ATRNL1: variants seen among roughly 807,000 people sequenced by gnomAD.
ATRNL1 encodes the protein attractin-like protein 1.
Under a neutral mutation model 182.7 loss-of-function variants are expected in ATRNL1, and 95 were observed. The ratio of observed to expected loss-of-function variants is 0.52; its 90% CI spans 0.44 to 0.62. The LOEUF is 0.62. Among genes scored for constraint, ATRNL1 ranks in the 20% least tolerant of loss-of-function variants. The probability of loss-of-function intolerance (pLI) is 0.00; values close to 1 mark genes in which losing one functional copy is unlikely to be tolerated. For synonymous variants in ATRNL1, 576 were observed against 568.3 expected (o/e 1.01, Z -0.19); for missense variants, 1,471 against 1,679.5 (o/e 0.88, Z 2.17).
At chr10:115,149,149 CA>C (rs1846103150) in intron 5 of ATRNL1, among the ~76,000 whole-genome samples, 1 of 152,102 alleles carries the variant, frequency 6.6e-6, no homozygotes, top group Non-Finnish European at 1.5e-5. Flanking sequence ...CTGGCCATCC[CA>C]CCCTAATCTT....
At chr10:115,273,414 C>T (rs1251141143) in intron 13 of ATRNL1, among the ~76,000 whole-genome samples, 1 of 152,016 alleles carries the variant, frequency 6.6e-6, no homozygotes, top group Non-Finnish European at 1.5e-5. Flanking sequence ...CTGTCCGCAT[C>T]CCTTTTCCAC....
intron 25 of ATRNL1, among the ~76,000 whole-genome samples, chr10:115,540,281 G>A (rs993876792): frequency 3.9e-5 from 6 of 152,054 alleles, no homozygotes; most frequent in East Asian, 1.9e-4. Flanking sequence ...CTTTGGGCCC[G>A]GACTGAACAG....
intron 9 of ATRNL1, among the ~76,000 whole-genome samples, chr10:115,217,863 AT>A (rs1201720796): frequency 6.6e-6 from 1 of 151,938 alleles, no homozygotes; most frequent in African/African-American, 2.4e-5. Context: ...GCACTAATTG[AT>A]TTTTTCATTA....
intron 26 of ATRNL1, among the ~76,000 whole-genome samples, chr10:115,599,015 T>G (rs1231831325): frequency 2.6e-5 from 4 of 152,236 alleles, no homozygotes; most frequent in Non-Finnish European, 5.9e-5. Context: ...GCTAGCATCA[T>G]GCATTGGTCC....
chr10:115,369,857 G>T (rs1439343169), intron 19 of ATRNL1, among the ~76,000 whole-genome samples: 1 of 152,086 alleles, frequency 6.6e-6, no homozygotes, highest in African/African-American at 2.4e-5. Flanking sequence ...TATATTTATT[G>T]ACCATTTTTT....
At chr10:115,851,313 T>G (rs1555100461) in intron 28 of ATRNL1, among the ~76,000 whole-genome samples, 1 of 152,136 alleles carries the variant, frequency 6.6e-6, no homozygotes. Flanking sequence ...GTGACAGAAA[T>G]GCACAGGAGC....
intron 26 of ATRNL1, among the ~76,000 whole-genome samples, chr10:115,625,158 T>TCTA (rs1234211744): frequency 5.3e-5 from 8 of 152,164 alleles, no homozygotes; most frequent in African/African-American, 1.9e-4. Context: ...ACAGTGTTAG[T>TCTA]GGATGCTGCC....
chr10:115,511,219 G>A (rs1423255736), intron 24 of ATRNL1, among the ~76,000 whole-genome samples: 3 of 151,682 alleles, frequency 2.0e-5, no homozygotes, highest in Non-Finnish European at 4.4e-5. Context: ...TTAATTATCT[G>A]TTGAAAGTTT....
In ATRNL1 at chr10:115,149,167, C is replaced by T. The variant is rs782104065; in HGVS notation, c.830-10873C>T. On this transcript the variant is annotated intron_variant, in intron 5 of 28. Coordinates refer to ENST00000355044, the MANE Select transcript of ATRNL1 (RefSeq NM_207303.4). ...GCCATCCCACCCTAATCTTTTATTA[C>T]GCAGATGGGGTCTTTTCCTGGCCAG... Among the ~76,000 whole-genome samples the T allele has an allele frequency of 4.6e-5, 7 of 152,020 alleles. No homozygotes were observed. In the South Asian group the frequency reaches 8.3e-4, roughly 18 times the overall value.
chr10:115,486,063 A>G (rs1479900949), intron 24 of ATRNL1, among the ~76,000 whole-genome samples: 1 of 152,076 alleles, frequency 6.6e-6, no homozygotes, highest in African/African-American at 2.4e-5. Flanking sequence ...TGTCCCTGCA[A>G]AGGACATGAA....
chr10:115,490,851 C>G (rs1447041900), intron 24 of ATRNL1, among the ~76,000 whole-genome samples: 3 of 152,096 alleles, frequency 2.0e-5, no homozygotes, highest in Non-Finnish European at 4.4e-5. Context: ...CTGGTTTCTC[C>G]CCATCTTCGT....
intron 27 of ATRNL1, among the ~76,000 whole-genome samples, chr10:115,826,683 C>T (rs1950441804): frequency 6.6e-6 from 1 of 152,096 alleles, no homozygotes; most frequent in South Asian, 2.1e-4. Flanking sequence ...AAGAAAAGCT[C>T]TCGACAGTGA....
intron 20 of ATRNL1, among the ~76,000 whole-genome samples, chr10:115,420,874 T>C (rs1353935864): frequency 6.6e-6 from 1 of 152,180 alleles, no homozygotes; most frequent in South Asian, 2.1e-4. Flanking sequence ...ACATCGCAAC[T>C]GATACCACAG....
chr10:115,258,714 T>C (rs1851265905), intron 10 of ATRNL1, among the ~76,000 whole-genome samples: 1 of 152,186 alleles, frequency 6.6e-6, no homozygotes, highest in African/African-American at 2.4e-5. Context: ...TTTAGAATTT[T>C]CACCTTTTCT....
chr10:115,151,627 C>T (rs1386980884), intron 5 of ATRNL1, among the ~76,000 whole-genome samples: 1 of 152,124 alleles, frequency 6.6e-6, no homozygotes, highest in Admixed American at 6.6e-5. Context: ...AGCCCTTTGC[C>T]AGATGAGTAC....
intron 26 of ATRNL1, among the ~76,000 whole-genome samples, chr10:115,691,744 A>T (rs1946400943): frequency 6.6e-6 from 1 of 152,020 alleles, no homozygotes; most frequent in South Asian, 2.1e-4. Context: ...TCAATCAATC[A>T]ATCAATCTAT....
intron 9 of ATRNL1, among the ~76,000 whole-genome samples, chr10:115,230,883 G>C: frequency 1.4e-5 from 1 of 71,906 alleles, no homozygotes; most frequent in African/African-American, 4.1e-5. Flanking sequence ...GAGAGAGAGA[G>C]AGAGAGAGAG....
At chr10:115,272,937 A>G (rs1851935587) in intron 13 of ATRNL1, among the ~76,000 whole-genome samples, 1 of 152,162 alleles carries the variant, frequency 6.6e-6, no homozygotes, top group Non-Finnish European at 1.5e-5. Flanking sequence ...CTGTAAGTTT[A>G]CTGATGGCAG....
intron 27 of ATRNL1, among the ~76,000 whole-genome samples, chr10:115,807,126 G>C (rs1436857950): frequency 7.4e-6 from 1 of 135,120 alleles, no homozygotes; most frequent in African/African-American, 2.7e-5. Flanking sequence ...TTTTTTCTTT[G>C]AGATGGAGTC....
Sources: allele counts gnomAD v4.1 joint callset (sites outside exome capture counted in the v4.1 genomes callset), GRCh38; gene constraint gnomAD v4.1.1; transcripts MANE v1.5; gene names NCBI Gene and HGNC (gene_info 2026-07-23, HGNC 2026-07-21).